The following PPP2R2C variants were observed in gnomAD, a reference collection of about 807,000 sequenced individuals.
PPP2R2C encodes protein phosphatase 2 regulatory subunit Bgamma.
Under a neutral mutation model 45.3 loss-of-function variants are expected in PPP2R2C, and 10 were observed. The observed-to-expected ratio is 0.22, with a 90% CI of 0.14 to 0.37. PPP2R2C has a LOEUF of 0.37. PPP2R2C is among the 10% of genes least tolerant of loss of function. The pLI, the probability that PPP2R2C is intolerant of heterozygous loss-of-function variation, is 1.00. For missense variants in PPP2R2C, 308 were observed against 619.7 expected (o/e 0.50, Z 5.34); for synonymous variants, 257 against 245.4 (o/e 1.05, Z -0.44).
chr4:6,525,631 C>G (rs1414378220), intron 2 of PPP2R2C, among the ~76,000 whole-genome samples: 7 of 152,186 alleles, frequency 4.6e-5, no homozygotes, highest in Admixed American at 4.6e-4. Flanking sequence ...CTTTCGAAAG[C>G]CTTGCCCTAC....
At chr4:6,376,253 A>G (rs1715292008) in intron 3 of PPP2R2C, among the ~76,000 whole-genome samples, 1 of 152,100 alleles carries the variant, frequency 6.6e-6, no homozygotes, top group South Asian at 2.1e-4. Context: ...AACAAATAGC[A>G]CCATGTTGAT....
intron 2 of PPP2R2C, among the ~76,000 whole-genome samples, chr4:6,489,386 C>T (rs1722624628): frequency 6.6e-6 from 1 of 152,300 alleles, no homozygotes; most frequent in African/African-American, 2.4e-5. Flanking sequence ...CCTCCCTCCA[C>T]ATCGGGCTTC....
chr4:6,492,922 A>T (rs1220270481), intron 2 of PPP2R2C, among the ~76,000 whole-genome samples: 1 of 151,994 alleles, frequency 6.6e-6, no homozygotes, highest in Non-Finnish European at 1.5e-5. Context: ...CAAGACAATG[A>T]TGTCCTCCCA....
chr4:6,349,321 C>G, intron 5 of PPP2R2C: 9 of 983,456 alleles, frequency 9.2e-6, no homozygotes, highest in Non-Finnish European at 1.1e-5. Context: ...GCTGTGTGAC[C>G]CTGAGTGAGT....
chr4:6,541,674 T>A (rs1228709424), intron 1 of PPP2R2C, among the ~76,000 whole-genome samples: 1 of 152,044 alleles, frequency 6.6e-6, no homozygotes, highest in Non-Finnish European at 1.5e-5. Flanking sequence ...GCCTCCAGAG[T>A]AGCTGGGATT....
rs556709824 is a variant in PPP2R2C, at chr4:6,529,069, T to C, written c.49+6202A>G. Reference sequence around the variant, plus strand: ...TTCAGAGCAGCCCAGAGCTGGCCTATTCATGTCTCCATAGGCAGATGGCTT... The same window carrying C: ...TTCAGAGCAGCCCAGAGCTGGCCTACTCATGTCTCCATAGGCAGATGGCTT... On this transcript the variant is annotated intron_variant, in intron 2 of 9. Coordinates refer to the PPP2R2C transcript ENST00000506140. Among the ~76,000 whole-genome samples the C allele has an allele frequency of 4.6e-5, 7 of 152,350 alleles. No individual in the cohort carries two copies. The South Asian group carries it at 1.4e-3, about 32-fold the overall frequency.
At chr4:6,338,323 A>C (rs1577079473) in intron 6 of PPP2R2C, among the ~76,000 whole-genome samples, 1 of 152,178 alleles carries the variant, frequency 6.6e-6, no homozygotes, top group Non-Finnish European at 1.5e-5. Context: ...TCATGGCTCG[A>C]GCCGGTTCCC....
At chr4:6,432,565 T>C (rs546802477) in intron 1 of PPP2R2C, among the ~76,000 whole-genome samples, 3 of 152,326 alleles carry the variant, frequency 2.0e-5, no homozygotes, top group South Asian at 4.1e-4. Flanking sequence ...TATTTCAGGA[T>C]AGAGGATTTG....
intron 1 of PPP2R2C, among the ~76,000 whole-genome samples, chr4:6,558,917 C>G (rs1725494252): frequency 1.3e-5 from 2 of 152,154 alleles, no homozygotes; most frequent in Admixed American, 1.3e-4. Context: ...GACCTTGCAC[C>G]CTCACAGGTG....
chr4:6,549,888 A>G (rs1044141293), intron 1 of PPP2R2C, among the ~76,000 whole-genome samples: 2 of 152,214 alleles, frequency 1.3e-5, no homozygotes, highest in Admixed American at 1.3e-4. Context: ...CTCAGTTCCC[A>G]GGTGAATATC....
chr4:6,449,508 C>T (rs1014787531), intron 1 of PPP2R2C, among the ~76,000 whole-genome samples: 12 of 152,350 alleles, frequency 7.9e-5, no homozygotes, highest in African/African-American at 2.4e-4. Context: ...GCCATGCTGA[C>T]GTGAGACATG....
intron 4 of PPP2R2C, among the ~76,000 whole-genome samples, chr4:6,373,900 CAT>C (rs1491475012): frequency 0.022 from 2,739 of 123,844 alleles, 73 homozygotes; most frequent in African/African-American, 0.082. Flanking sequence ...TATGTGCATG[CAT>C]GTGTGTGTGT....
At chr4:6,355,024 T>G (rs988945960) in intron 5 of PPP2R2C, among the ~76,000 whole-genome samples, 1 of 152,188 alleles carries the variant, frequency 6.6e-6, no homozygotes, top group South Asian at 2.1e-4. Flanking sequence ...AAACATTTAT[T>G]TTACCTTGTT....
intron 5 of PPP2R2C, among the ~76,000 whole-genome samples, chr4:6,369,086 A>G (rs544450540): frequency 8.9e-4 from 136 of 152,350 alleles, no homozygotes; most frequent in African/African-American, 2.9e-3. Context: ...AGAGAGAACC[A>G]GCTTCAGGGT....
At chr4:6,326,688 C>CT (rs915503115) in intron 8 of PPP2R2C, among the ~76,000 whole-genome samples, 1 of 152,234 alleles carries the variant, frequency 6.6e-6, no homozygotes, top group Non-Finnish European at 1.5e-5. Context: ...GCCGAGCTGA[C>CT]TTAGGGGCTT....
At chr4:6,413,088 C>T (rs1718293414) in intron 1 of PPP2R2C, among the ~76,000 whole-genome samples, 1 of 152,130 alleles carries the variant, frequency 6.6e-6, no homozygotes, top group Non-Finnish European at 1.5e-5. Context: ...ACCCATGAAA[C>T]TTACACAGTC....
At chr4:6,408,477 T>C (rs1717948879) in intron 1 of PPP2R2C, among the ~76,000 whole-genome samples, 1 of 152,152 alleles carries the variant, frequency 6.6e-6, no homozygotes, top group Non-Finnish European at 1.5e-5. Context: ...CAATCATCTT[T>C]CTCTCCCAGG....
intron 1 of PPP2R2C, among the ~76,000 whole-genome samples, chr4:6,407,741 G>A (rs1717896558): frequency 6.6e-6 from 1 of 152,146 alleles, no homozygotes; most frequent in Admixed American, 6.5e-5. Context: ...TTAGACAAAT[G>A]GACTGGGAAG....
intron 5 of PPP2R2C, among the ~76,000 whole-genome samples, chr4:6,363,512 G>C (rs376220596): frequency 6.6e-6 from 1 of 152,022 alleles, no homozygotes; most frequent in South Asian, 2.1e-4. Context: ...CTGGGAGGCA[G>C]AGATTGCAGT....
Sources: gnomAD v4.1 joint callset for allele counts (sites outside exome capture counted in the v4.1 genomes callset) on GRCh38, gnomAD v4.1.1 for gene constraint, MANE v1.5 for transcripts, NCBI Gene and HGNC (gene_info 2026-07-23, HGNC 2026-07-21) for gene names.